The following GREB1L variants were observed in gnomAD, a reference collection of about 807,000 sequenced individuals.
GREB1L encodes GREB1 like retinoic acid receptor coactivator.
A neutral mutation model predicts 200.8 loss-of-function variants in GREB1L; 17 were observed. That is an observed-to-expected ratio of 0.08 (90% CI 0.06 to 0.13). GREB1L has a LOEUF of 0.13. Among genes scored for constraint, GREB1L ranks in the 10% least tolerant of loss-of-function variants. The pLI is 1.00. For missense variants in GREB1L, 1,657 were observed against 2,367.7 expected, an observed-to-expected ratio of 0.70 and a Z score of 6.23; for synonymous variants, 789 against 893.0, an observed-to-expected ratio of 0.88 and a Z score of 2.08.
intron 23 of GREB1L, among the ~76,000 whole-genome samples, chr18:21,504,036 G>A (rs1447969096): frequency 6.8e-6 from 1 of 146,390 alleles, no homozygotes; most frequent in Non-Finnish European, 1.5e-5. Flanking sequence ...CCGTCTCAGG[G>A]GTTCAAGTGA....
chr18:21,448,065 G>C (rs565769805), intron 11 of GREB1L, among the ~76,000 whole-genome samples: 8 of 151,588 alleles, frequency 5.3e-5, no homozygotes, highest in African/African-American at 1.9e-4. Context: ...CGGAGGCTGA[G>C]ACAGGAGAAT....
intron 19 of GREB1L, among the ~76,000 whole-genome samples, chr18:21,494,108 T>C (rs2145885338): frequency 6.6e-6 from 1 of 152,222 alleles, no homozygotes; most frequent in Admixed American, 6.5e-5. Context: ...AATGTTATGG[T>C]TCCCCCTGAC....
chr18:21,270,028 C>G (rs1216732887), intron 1 of GREB1L, among the ~76,000 whole-genome samples: 1 of 152,206 alleles, frequency 6.6e-6, no homozygotes, highest in African/African-American at 2.4e-5. Context: ...AATCCCCTAA[C>G]CAGAGATAAC....
chr18:21,372,413 T>C (rs4368248), intron 2 of GREB1L, among the ~76,000 whole-genome samples: 22,445 of 151,906 alleles, frequency 0.15, 3,582 homozygotes, highest in African/African-American at 0.39. Context: ...CCCAAAGTGC[T>C]AGGATTACAG....
intron 1 of GREB1L, among the ~76,000 whole-genome samples, chr18:21,268,560 C>CACACACACACATATATATATAT (rs1204514384): frequency 1.6e-5 from 1 of 63,520 alleles, no homozygotes; most frequent in African/African-American, 7.5e-5. Flanking sequence ...CACACACACA[C>CACACACACACATATATATATAT]ATATATATAT....
chr18:21,359,378 A>T (rs1215639447), intron 1 of GREB1L, among the ~76,000 whole-genome samples: 1 of 152,174 alleles, frequency 6.6e-6, no homozygotes. Context: ...TGAACCCAGG[A>T]GGTGGAGGTT....
At chr18:21,521,088 T>G (rs1327557081) in intron 32 of GREB1L, among the ~76,000 whole-genome samples, 2 of 151,900 alleles carry the variant, frequency 1.3e-5, no homozygotes, top group African/African-American at 4.8e-5. Context: ...TCCCAGCTAC[T>G]GGGGAGGCTG....
At chr18:21,499,680 G>T in intron 21 of GREB1L, 49 bp from the exon 22 acceptor site, 2 of 1,368,914 alleles carry the variant, frequency 1.5e-6, no homozygotes, top group Non-Finnish European at 2.0e-6. Context: ...CCACACCCTA[G>T]ATCAGTAACA....
chr18:21,442,557 G>C (rs2033956621), intron 10 of GREB1L, among the ~76,000 whole-genome samples: 1 of 152,182 alleles, frequency 6.6e-6, no homozygotes, highest in Admixed American at 6.5e-5. Context: ...TTTGGTGCCT[G>C]CCTTTTAGAA....
intron 1 of GREB1L, among the ~76,000 whole-genome samples, chr18:21,295,591 C>T (rs1234895255): frequency 6.6e-6 from 1 of 152,156 alleles, no homozygotes; most frequent in African/African-American, 2.4e-5. Context: ...ATGACAGAGT[C>T]ATAGTAAGAT....
chr18:21,339,031 A>T (rs1273402468), intron 1 of GREB1L, among the ~76,000 whole-genome samples: 1 of 152,168 alleles, frequency 6.6e-6, no homozygotes, highest in Non-Finnish European at 1.5e-5. Context: ...TCTACTAAAA[A>T]TACAAAAATT....
intron 1 of GREB1L, among the ~76,000 whole-genome samples, chr18:21,346,184 T>C (rs2039342646): frequency 6.6e-6 from 1 of 152,048 alleles, no homozygotes; most frequent in Admixed American, 6.6e-5. Context: ...AATCACTAAT[T>C]CCCACTGATT....
chr18:21,500,041 C>G lies in GREB1L; in HGVS notation c.3704C>G (p.Ser1235Cys), dbSNP rs2036715609. 1 of 1,551,498 alleles carries G rather than the reference C, an allele frequency of 6.4e-7. No individual in the cohort carries two copies. Among genetic ancestry groups the G allele is most frequent in the African/African-American group, 1.4e-5 (1 of 73,056 alleles). The change falls in exon 22 of 33, where the codon TCC (serine) becomes TGC (cysteine). Residue 1235 changes from serine (S) to cysteine (C), a missense_variant. Physicochemically the swap from Ser to Cys is moderately radical, Grantham distance 112. Around this residue, in one of 9 missense-constraint regions of GREB1L, gnomAD observed 512 missense variants for 668.3 expected, o/e 0.77. Coordinates refer to ENST00000424526, the MANE Select transcript of GREB1L (RefSeq NM_001142966.3). ...GCCCTGCCACCAGTGGTGATCCTATCCAAAGCGGCCTACAGTCTCCTGGGC... is the reference window on the plus strand; with the variant it reads ...GCCCTGCCACCAGTGGTGATCCTATGCAAAGCGGCCTACAGTCTCCTGGGC... Reference protein sequence around the residue: ...QAALPPVVILSKAAYSLLGSQ... With the variant: ...QAALPPVVILCKAAYSLLGSQ...
At chr18:21,392,212 G>T (rs991320752) in intron 4 of GREB1L, among the ~76,000 whole-genome samples, 1 of 152,192 alleles carries the variant, frequency 6.6e-6, no homozygotes, top group African/African-American at 2.4e-5. Context: ...CATTGAATAA[G>T]GTAATCTATA....
chr18:21,518,300 T>G, intron 31 of GREB1L, 66 bp downstream of exon 31: 1 of 1,454,050 alleles, frequency 6.9e-7, no homozygotes, highest in Non-Finnish European at 9.3e-7. Flanking sequence ...TTTTAGCTGT[T>G]TACAAAAAAG....
At chr18:21,437,711 A>C (rs2033635488) in intron 7 of GREB1L, among the ~76,000 whole-genome samples, 1 of 152,220 alleles carries the variant, frequency 6.6e-6, no homozygotes, top group African/African-American at 2.4e-5. Flanking sequence ...GGTTTTCAGC[A>C]AATTAATTGT....
chr18:21,445,140 A>C (rs1271025988), intron 11 of GREB1L, among the ~76,000 whole-genome samples: 1 of 152,162 alleles, frequency 6.6e-6, no homozygotes, highest in African/African-American at 2.4e-5. Context: ...CTAATTATAC[A>C]CTCACTCTAT....
At chr18:21,470,564 T>C (rs1219330200) in intron 15 of GREB1L, among the ~76,000 whole-genome samples, 5 of 152,200 alleles carry the variant, frequency 3.3e-5, no homozygotes, top group East Asian at 1.9e-4. Context: ...TTTTTGTAAA[T>C]TGATTTTGAA....
At chr18:21,344,229 G>C (rs1316221997) in intron 1 of GREB1L, among the ~76,000 whole-genome samples, 1 of 152,088 alleles carries the variant, frequency 6.6e-6, no homozygotes, top group African/African-American at 2.4e-5. Context: ...GTGAAACCCC[G>C]TCTCTATGAA....
Sources: allele counts gnomAD v4.1 joint callset (sites outside exome capture counted in the v4.1 genomes callset), GRCh38; gene constraint gnomAD v4.1.1; regional missense constraint gnomAD v4.1.1; transcripts MANE v1.5; gene names NCBI Gene and HGNC (gene_info 2026-07-23, HGNC 2026-07-21).